MACROD2: variants seen among roughly 807,000 people sequenced by gnomAD.
MACROD2 encodes the protein ADP-ribose glycohydrolase MACROD2.
MACROD2 carries 36 observed loss-of-function variants against 70.4 expected under a neutral mutation model. The observed-to-expected ratio is 0.51, with a 90% confidence interval of 0.39 to 0.68. The LOEUF (loss-of-function observed/expected upper bound fraction) is 0.68, where lower values mean the gene tolerates loss of function less well. Among genes scored for constraint, MACROD2 ranks in the 30% least tolerant of loss-of-function variants. The pLI, the probability that MACROD2 is intolerant of heterozygous loss-of-function variation, is 0.00. For synonymous variants in MACROD2, 172 were observed against 178.8 expected (o/e 0.96, Z 0.30); for missense variants, 496 against 538.4 (o/e 0.92, Z 0.78).
intron 7 of MACROD2, among the ~76,000 whole-genome samples, chr20:15,458,685 G>A (rs1465359289): frequency 6.7e-6 from 1 of 148,928 alleles, no homozygotes. Context: ...TGTCCACTCA[G>A]TACTACCTGA....
intron 8 of MACROD2, among the ~76,000 whole-genome samples, chr20:15,794,891 C>T (rs979852262): frequency 6.6e-6 from 1 of 152,180 alleles, no homozygotes; most frequent in African/African-American, 2.4e-5. Flanking sequence ...CCGATAGATA[C>T]ACTATTAAAA....
intron 3 of MACROD2, among the ~76,000 whole-genome samples, chr20:14,396,768 AC>A (rs1273649182): frequency 1.3e-5 from 2 of 151,640 alleles, no homozygotes; most frequent in African/African-American, 4.8e-5. Context: ...TACTAAAAAT[AC>A]AAAAAATTAG....
chr20:15,259,307 T>C (rs577156304), intron 6 of MACROD2, among the ~76,000 whole-genome samples: 5 of 152,136 alleles, frequency 3.3e-5, no homozygotes, highest in Admixed American at 3.3e-4. Flanking sequence ...ACACCTGAGA[T>C]AGGCCTTCTA....
chr20:15,107,378 A>G (rs1361756498), intron 5 of MACROD2, among the ~76,000 whole-genome samples: 1 of 152,058 alleles, frequency 6.6e-6, no homozygotes. Context: ...AAAAAAAACT[A>G]CCATTTGTTG....
intron 3 of MACROD2, chr20:14,323,816 C>A (rs1191233015): frequency 6.6e-6 from 1 of 152,122 alleles, no homozygotes; most frequent in African/African-American, 2.4e-5. Context: ...TTTAAAAAAA[C>A]AGTTTTTCAA....
chr20:15,961,883 G>A (rs1487050045), intron 12 of MACROD2, among the ~76,000 whole-genome samples: 1 of 152,174 alleles, frequency 6.6e-6, no homozygotes, highest in Non-Finnish European at 1.5e-5. Flanking sequence ...AGAGAGGGAG[G>A]CAAGATGAGA....
At chr20:16,022,964 A>C (rs1195861917) in intron 15 of MACROD2, among the ~76,000 whole-genome samples, 1 of 152,226 alleles carries the variant, frequency 6.6e-6, no homozygotes, top group Non-Finnish European at 1.5e-5. Flanking sequence ...CTTTAGAAGA[A>C]GAGCTAATGA....
intron 8 of MACROD2, among the ~76,000 whole-genome samples, chr20:15,593,148 T>C (rs1233146539): frequency 6.6e-6 from 1 of 152,192 alleles, no homozygotes; most frequent in Non-Finnish European, 1.5e-5. Context: ...GTGTTAGATG[T>C]GATATGAAGC....
At chr20:15,125,259 T>C (rs1188313034) in intron 5 of MACROD2, among the ~76,000 whole-genome samples, 1 of 152,098 alleles carries the variant, frequency 6.6e-6, no homozygotes, top group Non-Finnish European at 1.5e-5. Flanking sequence ...TACCAATGAC[T>C]GTGTTAAACA....
intron 8 of MACROD2, among the ~76,000 whole-genome samples, chr20:15,787,799 C>CT (rs2051955365): frequency 2.0e-5 from 3 of 152,038 alleles, no homozygotes; most frequent in Non-Finnish European, 1.5e-5. Context: ...TTCAATTTAA[C>CT]TTTTTTATCA....
chr20:15,589,366 A>G (rs550193600), intron 8 of MACROD2, among the ~76,000 whole-genome samples: 31 of 152,318 alleles, frequency 2.0e-4, no homozygotes, highest in Middle Eastern at 6.8e-3. Context: ...AAATTTTGTT[A>G]ATAATAAAAA....
At chr20:14,064,371 C>G (rs2053729833) in intron 2 of MACROD2, among the ~76,000 whole-genome samples, 1 of 152,116 alleles carries the variant, frequency 6.6e-6, no homozygotes, top group Non-Finnish European at 1.5e-5. Context: ...TTTTGAGCAT[C>G]AAGACCTGTA....
chr20:14,737,998 G>T (rs1361497801), intron 5 of MACROD2, among the ~76,000 whole-genome samples: 1 of 151,626 alleles, frequency 6.6e-6, no homozygotes, highest in Non-Finnish European at 1.5e-5. Context: ...GTCCTCATTG[G>T]TTTTGTGTTT....
chr20:14,203,049 GAA>G (rs557929645), intron 3 of MACROD2, among the ~76,000 whole-genome samples: 22 of 138,266 alleles, frequency 1.6e-4, no homozygotes, highest in Non-Finnish European at 3.3e-4. Context: ...CTCCATCTTA[GAA>G]AAAAAAAAAA....
chr20:14,777,956 C>A (rs550498174), intron 5 of MACROD2, among the ~76,000 whole-genome samples: 41 of 152,166 alleles, frequency 2.7e-4, no homozygotes, highest in African/African-American at 8.9e-4. Context: ...CACAAACCAG[C>A]AGGAAGAAGT....
chr20:14,457,666 A>T (rs1301950272), intron 3 of MACROD2, among the ~76,000 whole-genome samples: 3 of 152,172 alleles, frequency 2.0e-5, no homozygotes, highest in African/African-American at 7.2e-5. Context: ...AGGATGTCAT[A>T]CTACCATATA....
At position 14,471,371 on chromosome 20, in the gene MACROD2, C is replaced by T. The variant is rs141051839; in HGVS notation, c.272-22108C>T. Among the ~76,000 whole-genome samples, 16 of 152,298 alleles carry T rather than the reference C, an allele frequency of 1.1e-4. No homozygotes were observed. The East Asian group carries it at 3.1e-3, about 29-fold the overall frequency. On this transcript the variant is annotated intron_variant, in intron 3 of 17. Transcript: ENST00000684519. ...TAGACCGGAGCTGTTCCTATTTGGCCATCTTGCCAGCCCTTTCTGATAGAT... is the reference window on the plus strand; with the variant it reads ...TAGACCGGAGCTGTTCCTATTTGGCTATCTTGCCAGCCCTTTCTGATAGAT...
intron 6 of MACROD2, among the ~76,000 whole-genome samples, chr20:15,400,865 A>G (rs2045919210): frequency 6.6e-6 from 1 of 152,202 alleles, no homozygotes; most frequent in African/African-American, 2.4e-5. Flanking sequence ...GAAAATGGAG[A>G]AGCATAGTTG....
chr20:15,915,277 C>A (rs2065297462), intron 10 of MACROD2, among the ~76,000 whole-genome samples: 1 of 151,748 alleles, frequency 6.6e-6, no homozygotes, highest in Admixed American at 6.6e-5. Context: ...TTAGCCCCAC[C>A]CTGAAGCTAT....
Sources: allele counts gnomAD v4.1 joint callset (sites outside exome capture counted in the v4.1 genomes callset), GRCh38; gene constraint gnomAD v4.1.1; transcripts MANE v1.5; gene names NCBI Gene and HGNC (gene_info 2026-07-23, HGNC 2026-07-21).